Variants in MEGF11 observed in about 807,000 individuals in gnomAD.
MEGF11 encodes the protein multiple EGF like domains 11.
MEGF11 carries 126 observed loss-of-function variants against 146.6 expected under a neutral mutation model. The ratio of observed to expected loss-of-function variants is 0.86; its 90% CI spans 0.74 to 1.00. MEGF11 has a LOEUF of 1.00. Ranked by LOEUF, MEGF11 falls within the 50% of genes least tolerant of loss-of-function variation. The pLI, the probability that MEGF11 is intolerant of heterozygous loss-of-function variation, is 0.00. For synonymous variants in MEGF11, 532 were observed against 583.4 expected, an observed-to-expected ratio of 0.91 and a Z score of 1.27; for missense variants, 1,509 against 1,521.2, an observed-to-expected ratio of 0.99 and a Z score of 0.13.
intron 2 of MEGF11, among the ~76,000 whole-genome samples, chr15:66,126,403 C>G (rs550425551): frequency 6.6e-6 from 1 of 152,356 alleles, no homozygotes; most frequent in East Asian, 1.9e-4. Flanking sequence ...CTTGTCTTCC[C>G]ATCCAGGCTG....
chr15:66,138,822 A>C (rs1305309655), intron 1 of MEGF11, among the ~76,000 whole-genome samples: 1 of 152,246 alleles, frequency 6.6e-6, no homozygotes, highest in Non-Finnish European at 1.5e-5. Context: ...TGTGAACAGC[A>C]TAGCCCCAGG....
intron 8 of MEGF11, among the ~76,000 whole-genome samples, chr15:65,969,400 G>T (rs1310565993): frequency 6.6e-6 from 1 of 152,168 alleles, no homozygotes; most frequent in African/African-American, 2.4e-5. Flanking sequence ...CAATGTTTCA[G>T]CCCTCTCTCC....
intron 7 of MEGF11, among the ~76,000 whole-genome samples, chr15:65,977,142 C>T (rs983176054): frequency 8.4e-5 from 9 of 107,360 alleles, no homozygotes; most frequent in Admixed American, 1.4e-4. Flanking sequence ...GCACTCCAGC[C>T]TGGGCAAGAT....
intron 1 of MEGF11, among the ~76,000 whole-genome samples, chr15:66,207,950 G>A (rs555954112): frequency 2.2e-4 from 34 of 152,218 alleles, no homozygotes; most frequent in African/African-American, 7.9e-4. Flanking sequence ...GCCAGGTGTG[G>A]TAGTATACAC....
At chr15:66,183,640 C>A (rs943774925) in intron 1 of MEGF11, among the ~76,000 whole-genome samples, 6 of 152,160 alleles carry the variant, frequency 3.9e-5, no homozygotes, top group Admixed American at 6.5e-5. Context: ...ACTGACTCAA[C>A]TCCCTCCACC....
chr15:66,051,378 G>T, intron 5 of MEGF11, among the ~76,000 whole-genome samples: 1 of 151,988 alleles, frequency 6.6e-6, no homozygotes, highest in East Asian at 1.9e-4. Context: ...TGGGAAGCAG[G>T]AAAAAAGCCA....
In MEGF11 at chr15:65,913,841, A is replaced by G. The variant is rs1596827423; in HGVS notation, c.2606T>C (p.Phe869Ser). 6.2e-7 allele frequency: 1 copy of G among 1,613,980 alleles called. No individual in the cohort carries two copies. Among genetic ancestry groups the G allele is most frequent in the South Asian group, 1.1e-5 (1 of 91,082 alleles). The change falls in exon 20 of 26, where the codon TTT becomes TCT. Residue 869 changes from phenylalanine to serine, a missense_variant. Phe to Ser is a radical substitution (Grantham distance 155). Coordinates refer to ENST00000395614, the MANE Select transcript of MEGF11 (RefSeq NM_001385028.1). Reference protein sequence around the residue: ...LFLIVVLLGLFAWHRRRQKEK... With the variant: ...LFLIVVLLGLSAWHRRRQKEK... ...TTTCTGCCGCCGCCGATGCCAGGCA[A>G]ATAGGCCCAGCAGCACCACAATGAG...
At chr15:65,992,450 T>TGTGGGG (rs776847440) in intron 5 of MEGF11, among the ~76,000 whole-genome samples, 8 of 126,628 alleles carry the variant, frequency 6.3e-5, no homozygotes, top group African/African-American at 2.1e-4. Flanking sequence ...TGTGTGTGTG[T>TGTGGGG]GGGGGGGGGG....
chr15:66,178,943 T>C (rs2090465718), intron 1 of MEGF11, among the ~76,000 whole-genome samples: 1 of 151,914 alleles, frequency 6.6e-6, no homozygotes, highest in Non-Finnish European at 1.5e-5. Flanking sequence ...TCAACACACA[T>C]GCTGAAAACT....
chr15:65,938,351 A>G lies in MEGF11; in HGVS notation c.1288-7408T>C, dbSNP rs561372596. On this transcript the variant is annotated intron_variant, in intron 10 of 25. Transcript: ENST00000395614. ...GGGTCACAGGATGCTAACAGCCTAA[A>G]TGTGGGAATTCTGGGTTGGCCTGTG... Among the ~76,000 whole-genome samples, 135 of 152,338 alleles carry G rather than the reference A, an allele frequency of 8.9e-4. 1 individual carries two copies. The highest frequency in any genetic ancestry group is 3.1e-3 in the African/African-American group (130 of 41,574).
intron 5 of MEGF11, among the ~76,000 whole-genome samples, chr15:65,984,759 C>CTTATTTAT (rs34021202): frequency 5.9e-5 from 9 of 151,404 alleles, no homozygotes; most frequent in Non-Finnish European, 1.3e-4. Flanking sequence ...CCACATTTTA[C>CTTATTTAT]TTATTTATTT....
At chr15:65,914,963 C>T (rs1475408923) in intron 19 of MEGF11, among the ~76,000 whole-genome samples, 2 of 152,238 alleles carry the variant, frequency 1.3e-5, no homozygotes, top group African/African-American at 2.4e-5. Context: ...GACCCTGGGA[C>T]TCCATCCCCT....
chr15:66,030,131 C>T (rs530896880), intron 5 of MEGF11, among the ~76,000 whole-genome samples: 268 of 152,254 alleles, frequency 1.8e-3, no homozygotes, highest in African/African-American at 6.0e-3. Context: ...CACCTGAGCA[C>T]ACACAGAGAT....
At chr15:66,208,816 G>A (rs2091367357) in intron 1 of MEGF11, among the ~76,000 whole-genome samples, 1 of 152,004 alleles carries the variant, frequency 6.6e-6, no homozygotes, top group Non-Finnish European at 1.5e-5. Context: ...TGGGAGGTGT[G>A]CAGTGAACCA....
intron 5 of MEGF11, among the ~76,000 whole-genome samples, chr15:66,090,187 G>A (rs2086266148): frequency 6.6e-6 from 1 of 152,170 alleles, no homozygotes. Flanking sequence ...CCCCTTCACT[G>A]CTGTCAAAGT....
At chr15:66,022,144 A>G (rs1194434285) in intron 5 of MEGF11, among the ~76,000 whole-genome samples, 1 of 152,250 alleles carries the variant, frequency 6.6e-6, no homozygotes, top group African/African-American at 2.4e-5. Context: ...GCCCTGGGTC[A>G]TGGATGGCTG....
intron 12 of MEGF11, among the ~76,000 whole-genome samples, chr15:65,929,149 G>A (rs2079480783): frequency 6.6e-6 from 1 of 152,224 alleles, no homozygotes; most frequent in South Asian, 2.1e-4. Context: ...ACCCAGGATT[G>A]CAGGACTCCA....
chr15:65,961,387 C>G (rs1480306541), intron 9 of MEGF11, among the ~76,000 whole-genome samples: 3 of 152,176 alleles, frequency 2.0e-5, no homozygotes, highest in Non-Finnish European at 4.4e-5. Flanking sequence ...GATTTTTCTG[C>G]CTTTCTTTCA....
intron 1 of MEGF11, among the ~76,000 whole-genome samples, chr15:66,215,548 T>A (rs1193470246): frequency 6.6e-6 from 1 of 152,116 alleles, no homozygotes; most frequent in Non-Finnish European, 1.5e-5. Flanking sequence ...ACAAATAAAG[T>A]GTGAAGACAT....
Sources: allele counts gnomAD v4.1 joint callset (sites outside exome capture counted in the v4.1 genomes callset), GRCh38; gene constraint gnomAD v4.1.1; transcripts MANE v1.5; gene names NCBI Gene and HGNC (gene_info 2026-07-23, HGNC 2026-07-21).